Variants in RAB6A observed in about 807,000 individuals in gnomAD.
RAB6A encodes ras-related protein Rab-6A.
In RAB6A, 8 loss-of-function variants were observed where a neutral mutation model predicts 32.3. The observed-to-expected ratio is 0.25, with a 90% CI of 0.15 to 0.45. The LOEUF (loss-of-function observed/expected upper bound fraction) is 0.45, where lower values mean the gene tolerates loss of function less well. Ranked by LOEUF, RAB6A falls within the 20% of genes least tolerant of loss-of-function variation. The pLI, the probability that RAB6A is intolerant of heterozygous loss-of-function variation, is 1.00. For synonymous variants in RAB6A, 73 were observed against 82.1 expected, an observed-to-expected ratio of 0.89 and a Z score of 0.60; for missense variants, 104 against 249.4, an observed-to-expected ratio of 0.42 and a Z score of 3.93.
chr11:73,688,506 C>G (rs1945495740), intron 6 of RAB6A, among the ~76,000 whole-genome samples: 1 of 152,110 alleles, frequency 6.6e-6, no homozygotes, highest in South Asian at 2.1e-4. Context: ...CGTTCTGGCT[C>G]CGGAGAAATA....
At chr11:73,692,016 AT>A (rs1333997811) in intron 6 of RAB6A, among the ~76,000 whole-genome samples, 3 of 152,072 alleles carry the variant, frequency 2.0e-5, no homozygotes, top group African/African-American at 7.2e-5. Context: ...AAATGTTTAT[AT>A]TAGTGCCTTT....
chr11:73,755,549 T>A (rs959164609), intron 1 of RAB6A, among the ~76,000 whole-genome samples: 3 of 152,156 alleles, frequency 2.0e-5, no homozygotes, highest in African/African-American at 7.2e-5. Flanking sequence ...CACTTCGGCC[T>A]CCCAAAGTGC....
At chr11:73,750,592 A>G (rs937488342) in intron 1 of RAB6A, among the ~76,000 whole-genome samples, 7 of 152,162 alleles carry the variant, frequency 4.6e-5, no homozygotes, top group African/African-American at 1.7e-4. Flanking sequence ...CCTGGCCTCA[A>G]GTGATCCTCA....
At chr11:73,687,053 G>C (rs1945469049) in intron 6 of RAB6A, among the ~76,000 whole-genome samples, 1 of 151,948 alleles carries the variant, frequency 6.6e-6, no homozygotes. Flanking sequence ...CCTTAAAAAG[G>C]AAAGAAATTC....
chr11:73,755,944 G>C lies in RAB6A; in HGVS notation c.70+4622C>G, dbSNP rs184710063. On this transcript the variant is annotated intron_variant, in intron 1 of 7. Coordinates refer to ENST00000336083, the MANE Select transcript of RAB6A (RefSeq NM_198896.2). ...GAAAGAAGAGGAGGAGGAGGAAGAA[G>C]AACAACAATAACAACTACATTAACA... Among the ~76,000 whole-genome samples, 50 of 151,740 alleles carry C rather than the reference G, an allele frequency of 3.3e-4. 1 individual carries two copies. Among genetic ancestry groups the C allele is most frequent in the African/African-American group, 9.9e-4 (41 of 41,376 alleles).
chr11:73,700,540 T>C (rs1239209153), intron 6 of RAB6A, among the ~76,000 whole-genome samples: 3 of 120,416 alleles, frequency 2.5e-5, no homozygotes, highest in Non-Finnish European at 3.2e-5. Flanking sequence ...GCCGTGTTCA[T>C]ACCACTATAC....
chr11:73,706,718 T>C (rs1365368980), intron 6 of RAB6A, among the ~76,000 whole-genome samples: 1 of 152,156 alleles, frequency 6.6e-6, no homozygotes, highest in Non-Finnish European at 1.5e-5. Context: ...ACCAGCATTT[T>C]ATTAAGGATA....
At chr11:73,718,931 ACTAATACT>A in intron 3 of RAB6A, 4 of 1,493,604 alleles carry the variant, frequency 2.7e-6, no homozygotes, top group Non-Finnish European at 3.6e-6. Flanking sequence ...AAAAAACCAA[ACTAATACT>A]AAAAAGAAAA....
chr11:73,687,079 T>C (rs1396481020), intron 6 of RAB6A, among the ~76,000 whole-genome samples: 2 of 151,992 alleles, frequency 1.3e-5, no homozygotes, highest in African/African-American at 4.8e-5. Flanking sequence ...CCTACTACAA[T>C]ATGGATGCAT....
At chr11:73,714,243 T>G (rs187709116) in intron 5 of RAB6A, among the ~76,000 whole-genome samples, 183 of 139,678 alleles carry the variant, frequency 1.3e-3, no homozygotes, top group African/African-American at 4.8e-3. Flanking sequence ...CACATATAAT[T>G]TGACAAGTTT....
At chr11:73,718,811 G>A (rs1946090275) in intron 3 of RAB6A, 93 bp from the exon 4 acceptor site, 2 of 1,613,830 alleles carry the variant, frequency 1.2e-6, no homozygotes, top group East Asian at 2.2e-5. Flanking sequence ...TACTACAGCT[G>A]CAGCAGAATC....
intron 1 of RAB6A, among the ~76,000 whole-genome samples, chr11:73,754,371 C>G (rs191067972): frequency 1.5e-4 from 23 of 152,294 alleles, no homozygotes; most frequent in Admixed American, 9.2e-4. Context: ...TCCACAAACT[C>G]CTGGATGTCA....
chr11:73,679,935 A>G (rs369187547), intron 6 of RAB6A, among the ~76,000 whole-genome samples: 2 of 152,070 alleles, frequency 1.3e-5, no homozygotes, highest in South Asian at 4.2e-4. Flanking sequence ...TCTCTACAAA[A>G]AAAAACACAA....
intron 6 of RAB6A, among the ~76,000 whole-genome samples, chr11:73,694,377 A>T (rs572944242): frequency 9.2e-5 from 14 of 152,230 alleles, no homozygotes; most frequent in Non-Finnish European, 1.8e-4. Context: ...TAGACCAAAT[A>T]AATGGCAGAG....
intron 6 of RAB6A, among the ~76,000 whole-genome samples, chr11:73,692,207 C>CA (rs1945577283): frequency 1.3e-5 from 2 of 151,510 alleles, no homozygotes; most frequent in African/African-American, 2.4e-5. Flanking sequence ...AAAAACAGAG[C>CA]AAAAAAAGAA....
Position 73,679,515 on chromosome 11 carries a change from A to T in RAB6A, c.562+139T>A. The stretch of plus-strand genomic sequence containing the variant: ...ATAACCAGACCTCATTTGCTATAGA[A>T]AACAAATGAATTTCTATGCCTTTAA... On this transcript the variant is annotated intron_variant, in intron 7 of 7. Coordinates refer to ENST00000336083, the MANE Select transcript of RAB6A (RefSeq NM_198896.2). The T allele has an allele frequency of 4.7e-6, 5 of 1,070,140 alleles. No homozygotes were observed. In the South Asian group the frequency reaches 7.4e-5, roughly 16 times the overall value. The allele number at this position is 1,070,140 out of a possible 1,614,324, so 66.3% of individuals were successfully genotyped here.
Position 73,727,932 on chromosome 11 carries a change from C to A in RAB6A, c.129+2833G>T, listed in dbSNP as rs182021720. 8.6e-3 allele frequency among the ~76,000 whole-genome samples: 1,305 copies of A among 152,198 alleles called. 5 individuals carry two copies. The highest frequency in any genetic ancestry group is 0.015 in the Non-Finnish European group (1,010 of 68,000). ...TCAAGTTTTTATGCTAACTACAATA[C>A]ATATAAAATGGATAAGTAAATTAAG... On this transcript the variant is annotated intron_variant, in intron 2 of 7. Coordinates refer to ENST00000336083, the MANE Select transcript of RAB6A (RefSeq NM_198896.2).
chr11:73,687,397 T>G (rs1945476248), intron 6 of RAB6A, among the ~76,000 whole-genome samples: 1 of 152,198 alleles, frequency 6.6e-6, no homozygotes, highest in African/African-American at 2.4e-5. Context: ...AACACAATCT[T>G]AGGCACAAAC....
chr11:73,736,429 C>G (rs1946394385), intron 1 of RAB6A, among the ~76,000 whole-genome samples: 1 of 148,860 alleles, frequency 6.7e-6, no homozygotes, highest in Non-Finnish European at 1.5e-5. Context: ...ACTCTGTCTC[C>G]AAAAAAAAAA....
Sources: gnomAD v4.1 joint callset for allele counts (sites outside exome capture counted in the v4.1 genomes callset) on GRCh38, gnomAD v4.1.1 for gene constraint, MANE v1.5 for transcripts, NCBI Gene and HGNC (gene_info 2026-07-23, HGNC 2026-07-21) for gene names.